C6: variants seen among roughly 807,000 people sequenced by gnomAD.
C6 encodes complement C6.
In C6, 101 loss-of-function variants were observed where a neutral mutation model predicts 112.9. The observed-to-expected ratio is 0.89, with a 90% CI of 0.76 to 1.06. The LOEUF is 1.06. Ranked by LOEUF, C6 falls within the 50% of genes least tolerant of loss-of-function variation. The probability of loss-of-function intolerance (pLI) is 0.00; values close to 1 mark genes in which losing one functional copy is unlikely to be tolerated. For missense variants in C6, 1,202 were observed against 1,104.6 expected, an observed-to-expected ratio of 1.09 and a Z score of -1.25; for synonymous variants, 431 against 384.1, an observed-to-expected ratio of 1.12 and a Z score of -1.43.
chr5:41,212,376 G>A (rs989789382), intron 1 of C6, among the ~76,000 whole-genome samples: 9 of 152,054 alleles, frequency 5.9e-5, no homozygotes, highest in South Asian at 4.2e-4. Flanking sequence ...GGTCAGGCTC[G>A]TCTTGAACTC....
intron 1 of C6, among the ~76,000 whole-genome samples, chr5:41,256,436 A>C (rs568199504): frequency 2.2e-5 from 2 of 92,480 alleles, no homozygotes; most frequent in African/African-American, 9.1e-5. Flanking sequence ...AATTAAAAAA[A>C]AAAAAGTAAA....
At chr5:41,148,342 A>G (rs1203622084) in intron 17 of C6, among the ~76,000 whole-genome samples, 2 of 152,220 alleles carry the variant, frequency 1.3e-5, no homozygotes, top group Admixed American at 6.5e-5. Context: ...AAACAGCAAT[A>G]TATAGAATAA....
intron 9 of C6, among the ~76,000 whole-genome samples, chr5:41,163,653 G>A (rs1458735152): frequency 2.0e-5 from 3 of 152,102 alleles, no homozygotes; most frequent in African/African-American, 7.2e-5. Flanking sequence ...CTATGAGGAA[G>A]ATAAAAGTTC....
chr5:41,253,985 T>C (rs1378749237), intron 1 of C6, among the ~76,000 whole-genome samples: 2 of 152,196 alleles, frequency 1.3e-5, no homozygotes, highest in Non-Finnish European at 2.9e-5. Context: ...AAGTTGCAAA[T>C]ATGGGCAAAT....
chr5:41,178,767 C>T (rs10058201), intron 7 of C6, among the ~76,000 whole-genome samples: 17,445 of 151,514 alleles, frequency 0.12, 1,024 homozygotes, highest in African/African-American at 0.17. Context: ...TGAGCCACCG[C>T]GCCCAGCCTC....
intron 15 of C6, among the ~76,000 whole-genome samples, 163 bp downstream of exon 15, chr5:41,153,647 A>G (rs1184178363): frequency 6.6e-6 from 1 of 152,228 alleles, no homozygotes. Flanking sequence ...GAGCTTAGGG[A>G]ATTAGCAGAG....
intron 4 of C6, among the ~76,000 whole-genome samples, 191 bp downstream of exon 4, chr5:41,199,577 T>A (rs1473052213): frequency 6.6e-6 from 1 of 152,146 alleles, no homozygotes; most frequent in African/African-American, 2.4e-5. Flanking sequence ...GTGGTCAAAA[T>A]GGTATAACTG....
chr5:41,245,142 A>T (rs1740944601), intron 1 of C6, among the ~76,000 whole-genome samples: 1 of 152,228 alleles, frequency 6.6e-6, no homozygotes, highest in Non-Finnish European at 1.5e-5. Context: ...TTGGTATCAC[A>T]GTAATGCTGA....
At chr5:41,210,500 A>T (rs574921326) in intron 1 of C6, among the ~76,000 whole-genome samples, 72 of 152,204 alleles carry the variant, frequency 4.7e-4, no homozygotes, top group Non-Finnish European at 9.7e-4. Context: ...GAATCTACAA[A>T]GAACTCAAAC....
intron 1 of C6, among the ~76,000 whole-genome samples, chr5:41,244,242 C>T (rs61323141): frequency 0.01 from 1,551 of 152,236 alleles, 33 homozygotes; most frequent in African/African-American, 0.035. Flanking sequence ...CTTTTTATTA[C>T]GTTTTCTTTC....
At chr5:41,143,837 T>C (rs1745572232) in intron 17 of C6, among the ~76,000 whole-genome samples, 1 of 152,228 alleles carries the variant, frequency 6.6e-6, no homozygotes, top group Non-Finnish European at 1.5e-5. Context: ...CTATGAGGCC[T>C]GCTTTTGGAA....
At chr5:41,220,794 T>C (rs1739116802) in intron 1 of C6, among the ~76,000 whole-genome samples, 1 of 152,046 alleles carries the variant, frequency 6.6e-6, no homozygotes, top group African/African-American at 2.4e-5. Context: ...GTACAAATGA[T>C]TTCATTATTT....
chr5:41,232,243 C>T (rs985794673), intron 1 of C6, among the ~76,000 whole-genome samples: 10 of 152,070 alleles, frequency 6.6e-5, no homozygotes, highest in African/African-American at 1.2e-4. Flanking sequence ...TCCCCCTCTG[C>T]GTATCCCTTG....
At chr5:41,206,271 C>A (rs1397241235) in intron 1 of C6, among the ~76,000 whole-genome samples, 1 of 152,290 alleles carries the variant, frequency 6.6e-6, no homozygotes, top group Admixed American at 6.5e-5. Context: ...TGGGGAGAAA[C>A]CAGAGCAGAA....
chr5:41,195,756 C>T (rs1161622306), intron 5 of C6, 36 bp downstream of exon 5: 1 of 1,607,204 alleles, frequency 6.2e-7, no homozygotes, highest in Non-Finnish European at 8.5e-7. Context: ...GTTCTGATAC[C>T]TGTTCTCCCC....
chr5:41,199,826 T>C lies in C6; in HGVS notation c.387A>G (p.Pro129=), dbSNP rs1316905987. The stretch of plus-strand genomic sequence containing the variant: ...CCTCTTCAATTTTGCAGAGCTTAGA[T>C]GGAATGCATGGTTGAAAGGCTACCA... ...APLVAFQPCI[P]SKLCKIEEAD... The change falls in exon 4 of 18, where the codon CCA becomes CCG. Residue 129 remains proline, a synonymous_variant. Transcript: ENST00000337836. 6.2e-7 allele frequency: 1 copy of C among 1,613,710 alleles called. No individual in the cohort carries two copies. The highest frequency in any genetic ancestry group is 8.5e-7 in the Non-Finnish European group (1 of 1,179,696).
At chr5:41,203,956 T>G (rs1246224541) in intron 1 of C6, among the ~76,000 whole-genome samples, 1 of 152,178 alleles carries the variant, frequency 6.6e-6, no homozygotes. Flanking sequence ...AGTATCAAGA[T>G]GCCTGGAGCT....
chr5:41,203,445 A>G (rs75946237), intron 1 of C6, 195 bp from the exon 2 acceptor site: 25,331 of 550,582 alleles, frequency 0.046, 771 homozygotes, highest in African/African-American at 0.1. Context: ...TAGGGTGGAG[A>G]TTACCATAGG....
intron 1 of C6, among the ~76,000 whole-genome samples, chr5:41,226,664 G>A (rs1005175846): frequency 5.9e-5 from 9 of 151,994 alleles, no homozygotes; most frequent in East Asian, 3.9e-4. Flanking sequence ...GCTTCTGCGG[G>A]TTCTACTTTT....
Sources: gnomAD v4.1 joint callset for allele counts (sites outside exome capture counted in the v4.1 genomes callset) on GRCh38, gnomAD v4.1.1 for gene constraint, MANE v1.5 for transcripts, NCBI Gene and HGNC (gene_info 2026-07-23, HGNC 2026-07-21) for gene names.